The following SIL1 variants were observed in gnomAD, a reference collection of about 807,000 sequenced individuals.
SIL1 encodes nucleotide exchange factor SIL1.
SIL1 carries 40 observed loss-of-function variants against 49.1 expected under a neutral mutation model. That is an observed-to-expected ratio of 0.81 (90% CI 0.63 to 1.06). The LOEUF is 1.06. Ranked by LOEUF, SIL1 falls within the 50% of genes least tolerant of loss-of-function variation. The probability of loss-of-function intolerance (pLI) is 0.00; values close to 1 mark genes in which losing one functional copy is unlikely to be tolerated. For missense variants in SIL1, 500 were observed against 572.6 expected, an observed-to-expected ratio of 0.87 and a Z score of 1.29; for synonymous variants, 253 against 250.8, an observed-to-expected ratio of 1.01 and a Z score of -0.08.
chr5:139,042,640 C>T lies in SIL1; in HGVS notation c.433G>A (p.Glu145Lys). Residue 145 changes from glutamate (E) to lysine (K), a missense_variant, in exon 5 of 10, where the codon GAG becomes AAG. Coordinates refer to ENST00000394817, the MANE Select transcript of SIL1 (RefSeq NM_022464.5). ...LAKFKEGAEMESSKEDKARQA... is the reference protein window; with the variant it reads ...LAKFKEGAEMKSSKEDKARQA... ...CACACCTTGTCTTCCTTTGAACTCT[C>T]CATCTCTGCCCCCTCCTTGAATTTT... 6.2e-7 allele frequency: 1 copy of T among 1,614,176 alleles called. No individual in the cohort carries two copies. The highest frequency in any genetic ancestry group is 8.5e-7 in the Non-Finnish European group (1 of 1,180,012).
At chr5:139,032,414 T>C (rs1768813190) in intron 5 of SIL1, among the ~76,000 whole-genome samples, 1 of 152,230 alleles carries the variant, frequency 6.6e-6, no homozygotes, top group Non-Finnish European at 1.5e-5. Context: ...GGTAATAAAC[T>C]CCATGTGATT....
intron 7 of SIL1, among the ~76,000 whole-genome samples, chr5:138,979,816 T>C (rs976195095): frequency 1.3e-5 from 2 of 151,672 alleles, no homozygotes; most frequent in African/African-American, 4.8e-5. Flanking sequence ...CTGTAAAGAG[T>C]GAGAGAATGC....
chr5:139,096,553 T>C (rs1005301778), intron 3 of SIL1, among the ~76,000 whole-genome samples: 23 of 151,160 alleles, frequency 1.5e-4, no homozygotes, highest in African/African-American at 5.3e-4. Flanking sequence ...GCCCCTTCCT[T>C]CTGCTTGAGA....
chr5:139,135,823 G>C (rs150501663), intron 1 of SIL1, among the ~76,000 whole-genome samples: 4,172 of 152,056 alleles, frequency 0.027, 180 homozygotes, highest in African/African-American at 0.095. Context: ...CCAGTACTTT[G>C]GGAGGCCAAG....
intron 7 of SIL1, among the ~76,000 whole-genome samples, chr5:138,977,094 T>C (rs1386700718): frequency 6.6e-6 from 1 of 152,144 alleles, no homozygotes; most frequent in Non-Finnish European, 1.5e-5. Flanking sequence ...CTGGTGGAAG[T>C]GGCAGGATTG....
chr5:139,078,065 A>C (rs1232262868), intron 3 of SIL1, among the ~76,000 whole-genome samples: 1 of 152,210 alleles, frequency 6.6e-6, no homozygotes, highest in Non-Finnish European at 1.5e-5. Context: ...TTTTCCATGC[A>C]AAATCTCACA....
chr5:138,951,724 C>T, intron 8 of SIL1, 64 bp downstream of exon 8: 1 of 1,459,226 alleles, frequency 6.9e-7, no homozygotes, highest in South Asian at 1.1e-5. Context: ...GGACAGGAAC[C>T]CTTTCCTTTC....
At chr5:139,160,769 G>A (rs1395521340) in intron 1 of SIL1, among the ~76,000 whole-genome samples, 1 of 152,110 alleles carries the variant, frequency 6.6e-6, no homozygotes, top group Non-Finnish European at 1.5e-5. Flanking sequence ...GGTGGAGGTT[G>A]CGGTGAGCCA....
Position 138,951,824 on chromosome 5 carries a change from G to A in SIL1, c.828C>T (p.Ile276=). The change falls in exon 8 of 10, where the codon ATC becomes ATT. Residue 276 remains isoleucine, a synonymous_variant. Transcript: ENST00000394817. ...EGGALQKLLV[I]LATEQPLTAK... is the part of the protein sequence containing the mutation. ...CAGTGAGCGGCTGCTCCGTGGCCAGGATGACCAGCAGCTTCTGCAGGGCTC... is the reference window on the plus strand; with the variant it reads ...CAGTGAGCGGCTGCTCCGTGGCCAGAATGACCAGCAGCTTCTGCAGGGCTC... 7 of 1,614,126 alleles carry A rather than the reference G, an allele frequency of 4.3e-6. No individual in the cohort carries two copies. Among genetic ancestry groups the A allele is most frequent in the Admixed American group, 1.7e-5 (1 of 60,032 alleles).
At chr5:138,976,488 A>G (rs1170204760) in intron 7 of SIL1, among the ~76,000 whole-genome samples, 1 of 151,680 alleles carries the variant, frequency 6.6e-6, no homozygotes, top group Admixed American at 6.6e-5. Flanking sequence ...AATTTTTTGT[A>G]TTTTTAGTAG....
At chr5:138,990,455 T>C (rs1293023649) in intron 7 of SIL1, among the ~76,000 whole-genome samples, 1 of 152,226 alleles carries the variant, frequency 6.6e-6, no homozygotes, top group Non-Finnish European at 1.5e-5. Flanking sequence ...GCTTTCCAGC[T>C]GGCTTTTTAT....
At chr5:138,974,333 C>T (rs894885612) in intron 7 of SIL1, among the ~76,000 whole-genome samples, 3 of 152,198 alleles carry the variant, frequency 2.0e-5, no homozygotes, top group African/African-American at 7.2e-5. Flanking sequence ...TCATGCCTGT[C>T]ACCACCTCTG....
At chr5:139,034,779 T>A (rs1176988214) in intron 5 of SIL1, among the ~76,000 whole-genome samples, 2 of 152,242 alleles carry the variant, frequency 1.3e-5, no homozygotes, top group Admixed American at 6.5e-5. Flanking sequence ...TTTAGGTATA[T>A]ACCCAGTAAT....
intron 7 of SIL1, among the ~76,000 whole-genome samples, chr5:138,963,101 C>A (rs1472667845): frequency 6.6e-6 from 1 of 152,138 alleles, no homozygotes; most frequent in Non-Finnish European, 1.5e-5. Context: ...TATTTTAGGT[C>A]TTCTATACTC....
At chr5:138,969,288 C>G (rs868462420) in intron 7 of SIL1, among the ~76,000 whole-genome samples, 3 of 152,208 alleles carry the variant, frequency 2.0e-5, no homozygotes, top group Admixed American at 6.5e-5. Context: ...CATGGCAGGA[C>G]AGTCCACAGA....
intron 3 of SIL1, among the ~76,000 whole-genome samples, chr5:139,081,888 A>C (rs893263695): frequency 3.9e-5 from 6 of 152,066 alleles, no homozygotes; most frequent in African/African-American, 1.4e-4. Flanking sequence ...TAAAAAAAAA[A>C]AACAAAAAAA....
chr5:139,177,346 T>A (rs1751906770), intron 1 of SIL1, among the ~76,000 whole-genome samples: 1 of 152,114 alleles, frequency 6.6e-6, no homozygotes, highest in South Asian at 2.1e-4. Context: ...TTCAAGCGAT[T>A]CTGCTATCTC....
chr5:139,049,375 T>A (rs1769238320), intron 4 of SIL1, among the ~76,000 whole-genome samples: 1 of 152,132 alleles, frequency 6.6e-6, no homozygotes, highest in South Asian at 2.1e-4. Context: ...CAGGGTTTCA[T>A]CATGTTGGCC....
rs1401162831 is a variant in SIL1, at chr5:139,057,313, A to AT, written c.245-6268dup. ...TGCGAGAAACACCCAAGAATGATCA[A>AT]TAAAAAAAAAAAAAAGAAAAGAAAA... On this transcript the variant is annotated intron_variant, in intron 3 of 9. Coordinates refer to ENST00000394817, the MANE Select transcript of SIL1 (RefSeq NM_022464.5). Among the ~76,000 whole-genome samples the AT allele has an allele frequency of 1.7e-3, 233 of 136,876 alleles. 11 individuals carry two copies. The highest frequency in any genetic ancestry group is 3.6e-3 in the Middle Eastern group (1 of 274). 89.8% of individuals were successfully genotyped at this position (136,876 alleles called of 152,430 possible). A position where few individuals can be genotyped will look rare whatever the true frequency, so the allele number is the denominator to read the frequency against.
Sources: allele counts gnomAD v4.1 joint callset (sites outside exome capture counted in the v4.1 genomes callset), GRCh38; gene constraint gnomAD v4.1.1; transcripts MANE v1.5; gene names NCBI Gene and HGNC (gene_info 2026-07-23, HGNC 2026-07-21).